The following LGR5 variants were observed in gnomAD, a reference collection of about 807,000 sequenced individuals.
LGR5 encodes leucine rich repeat containing G protein-coupled receptor 5, also known as leucine-rich repeat-containing G protein-coupled receptor 5.
In LGR5, 54 loss-of-function variants were observed where a neutral mutation model predicts 76.7. The observed-to-expected ratio is 0.70, with a 90% confidence interval of 0.57 to 0.88. The LOEUF is 0.88. Ranked by LOEUF, LGR5 falls within the 40% of genes least tolerant of loss-of-function variation. The pLI is 0.00. For synonymous variants in LGR5, 406 were observed against 421.9 expected (o/e 0.96, Z 0.46); for missense variants, 1,078 against 1,073.3 (o/e 1.00, Z -0.06).
At chr12:71,568,265 T>A (rs1470378978) in intron 11 of LGR5, among the ~76,000 whole-genome samples, 1 of 152,174 alleles carries the variant, frequency 6.6e-6, no homozygotes, top group African/African-American at 2.4e-5. Context: ...GGAGCCAACT[T>A]TTCTGGTTCA....
chr12:71,538,257 A>T (rs1426234689), intron 4 of LGR5, among the ~76,000 whole-genome samples: 1 of 152,214 alleles, frequency 6.6e-6, no homozygotes, highest in African/African-American at 2.4e-5. Context: ...TCATGCCTGT[A>T]ATCTCAGCGT....
chr12:71,495,490 C>T (rs1402375139), intron 1 of LGR5, among the ~76,000 whole-genome samples: 2 of 151,374 alleles, frequency 1.3e-5, no homozygotes, highest in Admixed American at 1.3e-4. Flanking sequence ...GCAATTTAAG[C>T]TAGATGAAAG....
intron 2 of LGR5, among the ~76,000 whole-genome samples, chr12:71,517,657 A>G (rs1377608766): frequency 6.6e-6 from 1 of 152,216 alleles, no homozygotes; most frequent in Non-Finnish European, 1.5e-5. Context: ...TGTGACCAGT[A>G]TAGTTAGGGA....
chr12:71,516,744 T>C (rs1175704852), intron 2 of LGR5, among the ~76,000 whole-genome samples: 1 of 152,186 alleles, frequency 6.6e-6, no homozygotes, highest in Non-Finnish European at 1.5e-5. Flanking sequence ...CATCTACCTG[T>C]TTGATTTATC....
At chr12:71,460,389 G>A (rs1872639849) in intron 1 of LGR5, among the ~76,000 whole-genome samples, 1 of 152,144 alleles carries the variant, frequency 6.6e-6, no homozygotes, top group South Asian at 2.1e-4. Context: ...GCCAAATAAA[G>A]CGTAAGGTCC....
rs1453800724 is a variant in LGR5 at position 71,582,475 on chromosome 12, T to C, written c.1572T>C (p.Asp524=). Reference sequence around the variant, plus strand: ...CTGCAGATGAACGTGACCTTGAAGATTTCCTGCTTGACTTTGAGGAAGACC... The same window carrying C: ...CTGCAGATGAACGTGACCTTGAAGACTTCCTGCTTGACTTTGAGGAAGACC... ...FQAQDERDLE[D]FLLDFEEDLK... The change falls in exon 17 of 18, where the codon GAT becomes GAC. Residue 524 remains aspartate, a synonymous_variant. Coordinates refer to ENST00000266674, the MANE Select transcript of LGR5 (RefSeq NM_003667.4). 2 of 1,614,076 alleles carry C rather than the reference T, an allele frequency of 1.2e-6. No individual in the cohort carries two copies. The highest frequency in any genetic ancestry group is 4.5e-5 in the East Asian group (2 of 44,878).
At position 71,485,856 on chromosome 12, in the gene LGR5, C is replaced by A. The variant is rs146091403; in HGVS notation, c.213-18758C>A. ...TCTCGGCTCACTGCAACCTCTGCCT[C>A]CTGGGTTCAAGTGATTCTCCTGCCT... On this transcript the variant is annotated intron_variant, in intron 1 of 17. Transcript: ENST00000266674. Among the ~76,000 whole-genome samples, 833 of 151,856 alleles carry A rather than the reference C, an allele frequency of 5.5e-3. 5 individuals are homozygous for A. Among genetic ancestry groups the A allele is most frequent in the Non-Finnish European group, 8.6e-3 (583 of 67,980 alleles).
chr12:71,583,501 T>C (rs2137484304), intron 17 of LGR5, 146 bp from the exon 18 acceptor site: 3 of 870,812 alleles, frequency 3.4e-6, no homozygotes, highest in East Asian at 2.4e-5. Context: ...CTTGAGATAG[T>C]GGAGCATGCA....
chr12:71,552,283 G>A (rs915612049), intron 4 of LGR5, among the ~76,000 whole-genome samples: 7 of 152,120 alleles, frequency 4.6e-5, no homozygotes, highest in African/African-American at 7.2e-5. Context: ...AAAATTACTC[G>A]GCCAGGTGCG....
At chr12:71,452,328 C>G (rs1459509736) in intron 1 of LGR5, among the ~76,000 whole-genome samples, 1 of 152,228 alleles carries the variant, frequency 6.6e-6, no homozygotes, top group African/African-American at 2.4e-5. Context: ...ATGTCTGCAT[C>G]TGGGCAACTT....
At chr12:71,453,978 T>C (rs1245217233) in intron 1 of LGR5, among the ~76,000 whole-genome samples, 1 of 151,914 alleles carries the variant, frequency 6.6e-6, no homozygotes, top group Non-Finnish European at 1.5e-5. Context: ...CAAAGTTAAA[T>C]AGGGGGTCAA....
At chr12:71,467,012 T>C (rs1872894816) in intron 1 of LGR5, among the ~76,000 whole-genome samples, 1 of 152,056 alleles carries the variant, frequency 6.6e-6, no homozygotes, top group African/African-American at 2.4e-5. Flanking sequence ...GACCAGGTTT[T>C]TTTTTTTTAA....
At chr12:71,556,773 T>A (rs1453114237) in intron 6 of LGR5, 83 bp downstream of exon 6, 5 of 1,085,258 alleles carry the variant, frequency 4.6e-6, no homozygotes, top group African/African-American at 1.6e-5. Context: ...AAAGCCAGAC[T>A]TTGTTTGGTT....
chr12:71,531,552 A>C (rs566905453), intron 3 of LGR5, among the ~76,000 whole-genome samples: 2 of 152,136 alleles, frequency 1.3e-5, no homozygotes, highest in African/African-American at 4.8e-5. Flanking sequence ...AATCATTAGG[A>C]GGTAACGTGG....
chr12:71,471,337 T>C (rs1423761683), intron 1 of LGR5, among the ~76,000 whole-genome samples: 1 of 152,200 alleles, frequency 6.6e-6, no homozygotes, highest in Non-Finnish European at 1.5e-5. Context: ...TAAGTACTGA[T>C]ACATGATACA....
At chr12:71,454,241 C>T (rs1340045810) in intron 1 of LGR5, among the ~76,000 whole-genome samples, 1 of 152,104 alleles carries the variant, frequency 6.6e-6, no homozygotes, top group African/African-American at 2.4e-5. Context: ...TATCTTACTA[C>T]GTGTAAAAAG....
intron 1 of LGR5, chr12:71,448,718 C>G (rs1042413897): frequency 6.6e-6 from 1 of 152,228 alleles, no homozygotes; most frequent in East Asian, 1.9e-4. Flanking sequence ...TGTTATATTC[C>G]TTAATGAACT....
chr12:71,493,140 A>C (rs1236487304), intron 1 of LGR5, among the ~76,000 whole-genome samples: 1 of 151,418 alleles, frequency 6.6e-6, no homozygotes, highest in Non-Finnish European at 1.5e-5. Context: ...ATTTGTATAC[A>C]TAGTTGAATA....
At chr12:71,485,441 G>A (rs949276660) in intron 1 of LGR5, among the ~76,000 whole-genome samples, 5 of 152,174 alleles carry the variant, frequency 3.3e-5, no homozygotes, top group African/African-American at 9.7e-5. Context: ...TTGGGGCTAG[G>A]TACAGTGGCT....
Sources: allele counts gnomAD v4.1 joint callset (sites outside exome capture counted in the v4.1 genomes callset), GRCh38; gene constraint gnomAD v4.1.1; transcripts MANE v1.5; gene names NCBI Gene and HGNC (gene_info 2026-07-23, HGNC 2026-07-21).